The following FAM78B variants were observed in gnomAD, a reference collection of about 807,000 sequenced individuals.
FAM78B encodes family with sequence similarity 78 member B.
Under a neutral mutation model 20.0 loss-of-function variants are expected in FAM78B, and 10 were observed. The ratio of observed to expected loss-of-function variants is 0.50; its 90% CI spans 0.31 to 0.85. The LOEUF (loss-of-function observed/expected upper bound fraction) is 0.85. Among genes scored for constraint, FAM78B ranks in the 40% least tolerant of loss-of-function variants. FAM78B has a pLI of 0.05. For synonymous variants in FAM78B, 135 were observed against 132.8 expected (o/e 1.02, Z -0.12); for missense variants, 283 against 345.0 (o/e 0.82, Z 1.42).
chr1:166,122,327 C>A (rs578212373), intron 1 of FAM78B, among the ~76,000 whole-genome samples: 17 of 152,220 alleles, frequency 1.1e-4, no homozygotes, highest in African/African-American at 4.1e-4. Flanking sequence ...TTCTAACAGC[C>A]AGTGATGATA....
At chr1:166,148,936 T>C (rs1384332882) in intron 1 of FAM78B, among the ~76,000 whole-genome samples, 1 of 152,222 alleles carries the variant, frequency 6.6e-6, no homozygotes, top group East Asian at 1.9e-4. Context: ...AGAATGATGA[T>C]TTCCAATTTC....
chr1:166,056,975 G>C (rs1002076205), downstream of FAM78B, among the ~76,000 whole-genome samples: 1 of 152,194 alleles, frequency 6.6e-6, no homozygotes, highest in Non-Finnish European at 1.5e-5. Flanking sequence ...TTTGTCCTTT[G>C]CACCACGTGA....
chr1:166,114,173 T>C (rs975558814), intron 1 of FAM78B, among the ~76,000 whole-genome samples: 2 of 152,330 alleles, frequency 1.3e-5, no homozygotes, highest in Non-Finnish European at 2.9e-5. Flanking sequence ...TACATTTCCA[T>C]TGCACATTCG....
At chr1:166,128,204 C>T (rs1387025788) in intron 1 of FAM78B, among the ~76,000 whole-genome samples, 1 of 37,644 alleles carries the variant, frequency 2.7e-5, no homozygotes, top group Non-Finnish European at 5.1e-5. Context: ...CCTTTTATTC[C>T]TCTTTTATTT....
chr1:166,140,285 A>G (rs953307611), intron 1 of FAM78B, among the ~76,000 whole-genome samples: 11 of 152,248 alleles, frequency 7.2e-5, no homozygotes, highest in African/African-American at 2.7e-4. Context: ...CTGACTTGCC[A>G]GAAAAAGTGA....
chr1:166,129,548 C>T (rs1251386758), intron 1 of FAM78B, among the ~76,000 whole-genome samples: 1 of 152,098 alleles, frequency 6.6e-6, no homozygotes, highest in Non-Finnish European at 1.5e-5. Flanking sequence ...TTTAGGAAAC[C>T]CTCAATTTTA....
intron 1 of FAM78B, among the ~76,000 whole-genome samples, chr1:166,099,477 C>T (rs1022623228): frequency 2.0e-5 from 3 of 152,114 alleles, no homozygotes; most frequent in African/African-American, 7.2e-5. Flanking sequence ...ATGCAGAACC[C>T]ACAGAATGGA....
intron 1 of FAM78B, among the ~76,000 whole-genome samples, chr1:166,114,556 A>G (rs1654187069): frequency 6.6e-6 from 1 of 152,222 alleles, no homozygotes; most frequent in Non-Finnish European, 1.5e-5. Context: ...AATGCACTGC[A>G]AGCAAGAAAA....
chr1:166,067,726 C>T (rs747576469), downstream of FAM78B, among the ~76,000 whole-genome samples: 39 of 152,214 alleles, frequency 2.6e-4, no homozygotes, highest in Admixed American at 5.2e-4. Context: ...GCCAGGCTGA[C>T]TTCAGAGCTG....
At position 166,096,843 on chromosome 1, in the gene FAM78B, G is replaced by A. The variant is rs138269637; in HGVS notation, c.264-26080C>T. Among the ~76,000 whole-genome samples the A allele has an allele frequency of 1.1e-3, 161 of 152,312 alleles. 1 individual carries two copies. The highest frequency in any genetic ancestry group is 3.7e-3 in the African/African-American group (154 of 41,566). On this transcript the variant is annotated intron_variant, in intron 1 of 1. Transcript: ENST00000354422. ...GTCTTCAAAAGAAAAAGAATGGGGCGAGGGGAGAGAGATCGTGGTGGATGG... is the reference window on the plus strand; with the variant it reads ...GTCTTCAAAAGAAAAAGAATGGGGCAAGGGGAGAGAGATCGTGGTGGATGG...
chr1:166,121,105 A>G (rs1038995705), intron 1 of FAM78B, among the ~76,000 whole-genome samples: 1 of 152,244 alleles, frequency 6.6e-6, no homozygotes, highest in Admixed American at 6.5e-5. Context: ...CCCGCTTATC[A>G]TATGACTAAA....
intron 2 of FAM78B, among the ~76,000 whole-genome samples, chr1:166,062,603 G>A (rs1326021900): frequency 6.6e-6 from 1 of 152,226 alleles, no homozygotes; most frequent in Non-Finnish European, 1.5e-5. Flanking sequence ...GCATGTGCGT[G>A]TACAAAGAAA....
intron 1 of FAM78B, among the ~76,000 whole-genome samples, chr1:166,077,655 TATAATAA>T (rs1204574349): frequency 7.9e-6 from 1 of 126,040 alleles, no homozygotes; most frequent in Non-Finnish European, 1.6e-5. Context: ...ATATATAAAT[TATAATAA>T]ATACATATAA....
intron 1 of FAM78B, among the ~76,000 whole-genome samples, chr1:166,117,399 C>T (rs1654302564): frequency 6.6e-6 from 1 of 151,746 alleles, no homozygotes; most frequent in African/African-American, 2.4e-5. Context: ...GGATGAGTAT[C>T]AGTTGTGAGG....
chr1:166,107,582 T>A (rs1165697683), intron 1 of FAM78B, among the ~76,000 whole-genome samples: 1 of 152,152 alleles, frequency 6.6e-6, no homozygotes, highest in Non-Finnish European at 1.5e-5. Flanking sequence ...GAAGCATTGG[T>A]ACCAGTCCTT....
At chr1:166,125,998 A>C (rs1041263777) in intron 1 of FAM78B, among the ~76,000 whole-genome samples, 2 of 151,852 alleles carry the variant, frequency 1.3e-5, no homozygotes, top group Admixed American at 1.3e-4. Context: ...TGCCCAGCTA[A>C]TTTTTGTATT....
exon 3 of FAM78B, chr1:166,057,626 A>G (rs1651399731): frequency 6.6e-6 from 1 of 152,164 alleles, no homozygotes; most frequent in Non-Finnish European, 1.5e-5. Context: ...GTAGCAGAAT[A>G]CCTGGTTTCT....
chr1:166,103,865 C>T (rs959478141), intron 1 of FAM78B, among the ~76,000 whole-genome samples: 3 of 152,138 alleles, frequency 2.0e-5, no homozygotes, highest in Admixed American at 6.6e-5. Flanking sequence ...AGGCCAGCAT[C>T]ATCCTGATAC....
At chr1:166,097,492 T>C (rs1653331394) in intron 1 of FAM78B, among the ~76,000 whole-genome samples, 1 of 152,096 alleles carries the variant, frequency 6.6e-6, no homozygotes, top group Non-Finnish European at 1.5e-5. Flanking sequence ...GCTCTCCAAC[T>C]GGAAAGGGTC....
Sources: allele counts gnomAD v4.1 joint callset (sites outside exome capture counted in the v4.1 genomes callset), GRCh38; gene constraint gnomAD v4.1.1; transcripts MANE v1.5; gene names NCBI Gene and HGNC (gene_info 2026-07-23, HGNC 2026-07-21).